Variants in MTERF4 observed in about 807,000 individuals in gnomAD.
The protein encoded by MTERF4 is mitochondrial transcription termination factor 4, also known as transcription termination factor 4, mitochondrial.
In MTERF4, 17 loss-of-function variants were observed where a neutral mutation model predicts 22.5. The ratio of observed to expected loss-of-function variants is 0.75; its 90% CI spans 0.52 to 1.13. MTERF4 has a LOEUF of 1.13. Ranked by LOEUF, MTERF4 falls within the 50% of genes most tolerant of loss-of-function variation. The pLI, the probability that MTERF4 is intolerant of heterozygous loss-of-function variation, is 0.00. For synonymous variants in MTERF4, 165 were observed against 175.3 expected (o/e 0.94, Z 0.47); for missense variants, 420 against 466.8 (o/e 0.90, Z 0.92).
At chr2:241,053,079 CGGGCAGAG>C in the MTERF4 span, 1 of 1,428,590 alleles carries the variant, frequency 7.0e-7, no homozygotes, top group Non-Finnish European at 9.5e-7. Flanking sequence ...GCAGTCGGGT[CGGGCAGAG>C]GCAGGGCGGT....
At chr2:241,072,330 T>C in exon 5 of MTERF4, 1 of 408,400 alleles carries the variant, frequency 2.4e-6, no homozygotes, top group Non-Finnish European at 4.9e-6. Flanking sequence ...GCAAGGCTGA[T>C]GGGCCCAGGT....
the MTERF4 span, among the ~76,000 whole-genome samples, chr2:241,055,283 AC>A: frequency 6.6e-6 from 1 of 152,176 alleles, no homozygotes; most frequent in African/African-American, 2.4e-5. Context: ...GGCCCACAGA[AC>A]GTCAGACAGG....
At chr2:241,053,015 G>A in the MTERF4 span, 2 of 786,326 alleles carry the variant, frequency 2.5e-6, no homozygotes, top group East Asian at 2.7e-5. Context: ...CCCAGAAGTC[G>A]AGGCACCTTT....
the MTERF4 span, among the ~76,000 whole-genome samples, chr2:241,056,044 G>A: frequency 6.6e-6 from 1 of 152,150 alleles, no homozygotes; most frequent in East Asian, 1.9e-4. Flanking sequence ...TGTCTAAGAA[G>A]CAAGAAATGA....
At position 241,080,156 on chromosome 2, in the gene MTERF4, C is replaced by T. The variant is rs190958802; in HGVS notation, n.480-4474G>A. Reference sequence around the variant, plus strand: ...AAAATTAGCCAGGCATGGTGGTGCGCGCCTGTAGTACCAGCTACTCGGGAG... The same window carrying T: ...AAAATTAGCCAGGCATGGTGGTGCGTGCCTGTAGTACCAGCTACTCGGGAG... On this transcript the variant is annotated intron_variant and non_coding_transcript_variant, in intron 4 of 4. Coordinates refer to the MTERF4 transcript ENST00000464344. Among the ~76,000 whole-genome samples the T allele has an allele frequency of 2.3e-3, 353 of 152,054 alleles. 1 individual carries two copies. Among genetic ancestry groups the T allele is most frequent in the African/African-American group, 8.2e-3 (338 of 41,464 alleles).
rs1314524646 is a variant in MTERF4 at position 241,095,790 on chromosome 2, G to A, written c.*208C>T. ...GGGACAGGGCCCTCCCCACAGACAC[G>A]TGACAACAGATCAAACATGCATTTC... On this transcript the variant is annotated 3_prime_UTR_variant, in exon 4 of 4. Transcript: ENST00000391980. 1.6e-5 allele frequency: 14 copies of A among 868,270 alleles called. No individual in the cohort carries two copies. Among genetic ancestry groups the A allele is most frequent in the East Asian group, 2.5e-5 (1 of 39,598 alleles). 53.8% of individuals were successfully genotyped at this position (868,270 alleles called of 1,614,324 possible).
the MTERF4 span, chr2:241,053,351 G>A: frequency 6.5e-7 from 1 of 1,539,642 alleles, no homozygotes; most frequent in Non-Finnish European, 8.8e-7. Flanking sequence ...CCTTGGGGTG[G>A]GGCAGGTGGG....
At chr2:241,065,234 G>A in the MTERF4 span, 6 of 1,551,804 alleles carry the variant, frequency 3.9e-6, no homozygotes, top group East Asian at 1.1e-4. Flanking sequence ...CCGCCGACGG[G>A]AGCCAGGCAT....
At chr2:241,071,273 T>G, downstream of MTERF4, 5 of 462,286 alleles carry the variant, frequency 1.1e-5, no homozygotes, top group Non-Finnish European at 1.6e-5. Flanking sequence ...CCCAGCCCCT[T>G]GAGAACTTGA....
chr2:241,062,475 T>C, the MTERF4 span, among the ~76,000 whole-genome samples: 3 of 152,204 alleles, frequency 2.0e-5, no homozygotes, highest in Non-Finnish European at 4.4e-5. Flanking sequence ...AGATGGGACA[T>C]GAGACATTTT....
At chr2:241,067,784 T>C (rs1298187551), downstream of MTERF4, 1 of 1,610,668 alleles carries the variant, frequency 6.2e-7, no homozygotes, top group Non-Finnish European at 8.5e-7. Flanking sequence ...TGTGGAAGGC[T>C]TCGAGGTCAC....
intron 1 of MTERF4, 168 bp from the exon 2 acceptor site, chr2:241,100,062 C>T (rs1318622679): frequency 2.5e-6 from 2 of 790,962 alleles, no homozygotes; most frequent in Non-Finnish European, 3.8e-6. Flanking sequence ...GAGAAGGAAG[C>T]TCACAAAGAA....
At chr2:241,086,635 T>A (rs2063592248), downstream of MTERF4, among the ~76,000 whole-genome samples, 1 of 152,224 alleles carries the variant, frequency 6.6e-6, no homozygotes, top group South Asian at 2.1e-4. Flanking sequence ...GGAGGTTAAT[T>A]CCAGATTCTG....
chr2:241,071,828 T>G (rs755650422), downstream of MTERF4: 2 of 1,601,952 alleles, frequency 1.2e-6, no homozygotes, highest in Non-Finnish European at 1.7e-6. Context: ...AGAGGAAGAG[T>G]GAGCGCCAGG....
chr2:241,053,310 G>A, the MTERF4 span: 84 of 1,585,560 alleles, frequency 5.3e-5, 1 homozygote, highest in East Asian at 7.2e-4. Context: ...TCTGGAGTGA[G>A]CCTCCCCAGT....
chr2:241,085,458 T>TATC (rs2063528374), downstream of MTERF4, among the ~76,000 whole-genome samples: 1 of 152,268 alleles, frequency 6.6e-6, no homozygotes, highest in Non-Finnish European at 1.5e-5. Flanking sequence ...CTCCAATTTC[T>TATC]ATCTTCATTA....
the MTERF4 span, among the ~76,000 whole-genome samples, chr2:241,062,357 C>T: frequency 1.3e-5 from 2 of 152,162 alleles, no homozygotes; most frequent in African/African-American, 4.8e-5. Context: ...TATTTAAATT[C>T]AGGAGCACAA....
downstream of MTERF4, chr2:241,070,118 G>C (rs768935846): frequency 3.7e-6 from 6 of 1,612,638 alleles, no homozygotes; most frequent in East Asian, 8.9e-5. Context: ...CCGGGACGGC[G>C]GTACCAGCTC....
the MTERF4 span, among the ~76,000 whole-genome samples, chr2:241,050,246 T>C: frequency 4.6e-5 from 7 of 152,348 alleles, no homozygotes; most frequent in East Asian, 1.3e-3. Flanking sequence ...AAAATTTCCA[T>C]AGGATTTTGC....
Sources: gnomAD v4.1 joint callset for allele counts (sites outside exome capture counted in the v4.1 genomes callset) on GRCh38, gnomAD v4.1.1 for gene constraint, MANE v1.5 for transcripts, NCBI Gene and HGNC (gene_info 2026-07-23, HGNC 2026-07-21) for gene names.